Variants in ERBIN observed in about 807,000 individuals in gnomAD.
ERBIN encodes densin-180-like protein.
A neutral mutation model predicts 158.4 loss-of-function variants in ERBIN; 60 were observed. That is an observed-to-expected ratio of 0.38 (90% CI 0.31 to 0.47). The LOEUF is 0.47. ERBIN is among the 20% of genes least tolerant of loss of function. The probability of loss-of-function intolerance (pLI) is 0.99; values close to 1 mark genes in which losing one functional copy is unlikely to be tolerated. For missense variants in ERBIN, 1,610 were observed against 1,648.0 expected, an observed-to-expected ratio of 0.98 and a Z score of 0.40; for synonymous variants, 594 against 557.2, an observed-to-expected ratio of 1.07 and a Z score of -0.93.
At chr5:65,996,534 C>T (rs998794527) in intron 4 of ERBIN, among the ~76,000 whole-genome samples, 6 of 152,094 alleles carry the variant, frequency 3.9e-5, no homozygotes, top group Admixed American at 2.6e-4. Flanking sequence ...GCTTTGATTA[C>T]GATTGCTTTG....
chr5:66,011,531 A>C (rs1754202604), intron 4 of ERBIN, among the ~76,000 whole-genome samples: 1 of 152,160 alleles, frequency 6.6e-6, no homozygotes, highest in East Asian at 1.9e-4. Context: ...CTACTGAAAT[A>C]CAAAAATTAG....
chr5:65,964,908 TTGTGTGTGTGTGTGTGTG>T (rs70987104), intron 1 of ERBIN, among the ~76,000 whole-genome samples: 30 of 107,256 alleles, frequency 2.8e-4, no homozygotes, highest in South Asian at 1.3e-3. Context: ...CCTGGCTGAT[TTGTGTGTGTGTGTGTGTG>T]TGTGTGTGTG....
At position 66,021,398 on chromosome 5, in the gene ERBIN, C is replaced by G. The variant is rs773212181; in HGVS notation, c.597+13C>G. On this transcript the variant is annotated intron_variant, in intron 8 of 25. Transcript: ENST00000284037. Reference sequence around the variant, plus strand: ...ATTCACGGAAGTGGTAAGTTCTCATCAGTCTCACTTTCCCTAAGTTCTTAT... The same window carrying G: ...ATTCACGGAAGTGGTAAGTTCTCATGAGTCTCACTTTCCCTAAGTTCTTAT... 1.3e-6 allele frequency: 2 copies of G among 1,558,286 alleles called. No individual in the cohort carries two copies. The highest frequency in any genetic ancestry group is 1.7e-5 in the Admixed American group (1 of 57,376).
chr5:65,980,644 A>G (rs574425441), intron 1 of ERBIN, among the ~76,000 whole-genome samples: 2 of 152,304 alleles, frequency 1.3e-5, no homozygotes, highest in African/African-American at 2.4e-5. Flanking sequence ...TATATACCAT[A>G]TTAACACTAA....
At chr5:65,957,650 A>G (rs1383050833) in intron 1 of ERBIN, among the ~76,000 whole-genome samples, 2 of 152,190 alleles carry the variant, frequency 1.3e-5, no homozygotes, top group Non-Finnish European at 2.9e-5. Flanking sequence ...TGATTTCTCT[A>G]TCCTTTCCCC....
chr5:65,996,260 T>TTG (rs1561349421), intron 4 of ERBIN, among the ~76,000 whole-genome samples: 5,438 of 149,934 alleles, frequency 0.036, 311 homozygotes, highest in African/African-American at 0.13. Flanking sequence ...TTTTTTTTTT[T>TTG]TTTTTAACAG....
In ERBIN at chr5:66,080,997, GAATAA is replaced by G. The variant is rs1489752991; in HGVS notation, c.*2473_*2477del. ...TTGCTGTAATAAAGTTTCAAAATTT[GAATAA>G]AATAATTAAATTTTTTGAGGAAGTG... On this transcript the variant is annotated 3_prime_UTR_variant, in exon 26 of 26. Transcript: ENST00000284037. 1 of 151,892 alleles carries G rather than the reference GAATAA, an allele frequency of 6.6e-6. No homozygotes were observed. Among genetic ancestry groups the G allele is most frequent in the Non-Finnish European group, 1.5e-5 (1 of 67,836 alleles). The allele number at this position is 151,892 out of a possible 1,614,324, so 9.4% of individuals were successfully genotyped here.
chr5:66,033,677 T>A (rs149630370), intron 14 of ERBIN, among the ~76,000 whole-genome samples: 1 of 152,316 alleles, frequency 6.6e-6, no homozygotes, highest in East Asian at 1.9e-4. Flanking sequence ...TGTTGATTAC[T>A]CTTTAAGAAG....
chr5:65,998,097 C>T (rs1752628879), intron 4 of ERBIN, among the ~76,000 whole-genome samples: 4 of 151,728 alleles, frequency 2.6e-5, no homozygotes, highest in South Asian at 2.1e-4. Flanking sequence ...CGTGGTGGCA[C>T]GTGCCTGTAG....
chr5:65,941,329 AAAAG>A (rs1207907455), intron 1 of ERBIN, among the ~76,000 whole-genome samples: 2 of 55,692 alleles, frequency 3.6e-5, no homozygotes, highest in East Asian at 2.8e-4. Flanking sequence ...AAAAAAAAAA[AAAAG>A]AACAATACAA....
At position 66,050,929 on chromosome 5, in the gene ERBIN, G is replaced by A; in HGVS notation, c.2050G>A (p.Val684Met). Residue 684 changes from valine (V) to methionine (M), a missense_variant, in exon 20 of 26, where the codon GTG (valine) becomes ATG (methionine). This residue lies in a region of ERBIN where 1,014 missense variants were observed against 936.1 expected (regional missense o/e 1.08). Coordinates refer to ENST00000284037, the MANE Select transcript of ERBIN (RefSeq NM_001253697.2). ...SSQDTSLCSP[V>M]KQTHIDINSK... is the part of the protein sequence containing the mutation. ...TCAAGACACCTCACTCTGCTCTCCAGTGAAACAAACTCATATTGATATTAA... is the reference window on the plus strand; with the variant it reads ...TCAAGACACCTCACTCTGCTCTCCAATGAAACAAACTCATATTGATATTAA... 1 of 1,604,478 alleles carries A rather than the reference G, an allele frequency of 6.2e-7. No individual in the cohort carries two copies. Among genetic ancestry groups the A allele is most frequent in the Non-Finnish European group, 8.5e-7 (1 of 1,177,504 alleles).
intron 1 of ERBIN, among the ~76,000 whole-genome samples, chr5:65,959,024 T>C (rs1747620470): frequency 6.6e-6 from 1 of 152,210 alleles, no homozygotes; most frequent in Non-Finnish European, 1.5e-5. Context: ...ATCTGTACTT[T>C]TTCTAAGGGT....
rs1755063362 is a variant in ERBIN at position 66,018,454 on chromosome 5, TTATATTATATAATATATATTATATATTA to T, written c.534-2857_534-2830del. 9.1e-5 allele frequency among the ~76,000 whole-genome samples: 2 copies of T among 21,976 alleles called. 1 individual carries two copies. Among genetic ancestry groups the T allele is most frequent in the African/African-American group, 3.1e-4 (2 of 6,428 alleles). 14.4% of individuals were successfully genotyped at this position (21,976 alleles called of 152,430 possible). ...ATTGATATATATAATATAATATATA[TTATATTATATAATATATATTATATATTA>T]TATATTATATTATATAATATATATT... is the stretch of plus-strand genomic sequence containing the variant. On this transcript the variant is annotated intron_variant, in intron 7 of 25. Transcript: ENST00000284037.
intron 1 of ERBIN, among the ~76,000 whole-genome samples, chr5:65,974,373 A>G (rs1333430146): frequency 6.6e-6 from 1 of 152,214 alleles, no homozygotes; most frequent in African/African-American, 2.4e-5. Context: ...GAAAGCAAGC[A>G]TAGGTTGGTA....
At chr5:66,041,327 G>A (rs1037043062) in intron 15 of ERBIN, among the ~76,000 whole-genome samples, 2 of 151,988 alleles carry the variant, frequency 1.3e-5, no homozygotes, top group African/African-American at 4.8e-5. Flanking sequence ...GATGTGCATA[G>A]GGACATTGGG....
At chr5:66,051,894 CAA>C (rs35074022) in intron 20 of ERBIN, among the ~76,000 whole-genome samples, 8 of 138,736 alleles carry the variant, frequency 5.8e-5, no homozygotes, top group Admixed American at 2.9e-4. Context: ...GGCCTTGTCT[CAA>C]AAAAAAAAAA....
intron 1 of ERBIN, among the ~76,000 whole-genome samples, chr5:65,951,020 T>C (rs1312816057): frequency 1.3e-5 from 2 of 152,192 alleles, no homozygotes; most frequent in Non-Finnish European, 2.9e-5. Flanking sequence ...CATTAGAAGG[T>C]AGATTTTGTG....
At chr5:65,957,329 A>C (rs1747277227) in intron 1 of ERBIN, among the ~76,000 whole-genome samples, 1 of 152,118 alleles carries the variant, frequency 6.6e-6, no homozygotes, top group Non-Finnish European at 1.5e-5. Flanking sequence ...ACAAGTGAAC[A>C]AAGGTCTCTG....
rs561693505 is a variant in ERBIN at position 66,039,774 on chromosome 5, A to C, written c.1306+1292A>C. Among the ~76,000 whole-genome samples, 146 of 151,922 alleles carry C rather than the reference A, an allele frequency of 9.6e-4. 1 individual carries two copies. Among genetic ancestry groups the C allele is most frequent in the Non-Finnish European group, 1.9e-3 (127 of 67,800 alleles). ...TTATGGGTGAATTTAAATACATGGA[A>C]GAGAGGTTGTTTGTAAACCTATTCT... is the stretch of plus-strand genomic sequence containing the variant. On this transcript the variant is annotated intron_variant, in intron 15 of 25. Coordinates refer to ENST00000284037, the MANE Select transcript of ERBIN (RefSeq NM_001253697.2).
Sources: gnomAD v4.1 joint callset for allele counts (sites outside exome capture counted in the v4.1 genomes callset) on GRCh38, gnomAD v4.1.1 for gene constraint, gnomAD v4.1.1 regional missense constraint, MANE v1.5 for transcripts, NCBI Gene and HGNC (gene_info 2026-07-23, HGNC 2026-07-21) for gene names.